Variants in ABHD18 observed in about 807,000 individuals in gnomAD.
The protein encoded by ABHD18 is cardiolipin-specific deacylase, mitochondrial.
A neutral mutation model predicts 65.9 loss-of-function variants in ABHD18; 55 were observed. The ratio of observed to expected loss-of-function variants is 0.84; its 90% CI spans 0.67 to 1.05. ABHD18 has a LOEUF of 1.05. Among genes scored for constraint, ABHD18 ranks in the 50% least tolerant of loss-of-function variants. The pLI is 0.00. For missense variants in ABHD18, 533 were observed against 558.5 expected (o/e 0.95, Z 0.46); for synonymous variants, 181 against 180.2 (o/e 1.00, Z -0.04).
At chr4:127,977,773 AT>A (rs138223792) in intron 1 of ABHD18, among the ~76,000 whole-genome samples, 9,556 of 150,960 alleles carry the variant, frequency 0.063, 531 homozygotes, top group East Asian at 0.27. Context: ...TTTAGAATAA[AT>A]TTTTTTTTTA....
In ABHD18 at chr4:128,011,683, G is replaced by A. The variant is rs1163930460; in HGVS notation, c.453G>A (p.Arg151=). 1 of 1,550,246 alleles carries A rather than the reference G, an allele frequency of 6.5e-7. No individual in the cohort carries two copies. The highest frequency in any genetic ancestry group is 1.2e-5 in the South Asian group (1 of 82,882). ...LLLENPYYGC[R]KPKDQVRSSL... is the part of the protein sequence containing the mutation. ...GACCCACATTCTTAAATGGCTGCAG[G>A]AAACCCAAGGACCAAGTGTAAGTAT... is the stretch of plus-strand genomic sequence containing the variant. Residue 151 remains arginine (R), a synonymous_variant, in exon 7 of 13, where the codon AGG becomes AGA. Coordinates refer to ENST00000645843, the MANE Select transcript of ABHD18 (RefSeq NM_001358451.3).
intron 1 of ABHD18, among the ~76,000 whole-genome samples, chr4:127,969,192 T>G (rs1746251370): frequency 6.6e-6 from 1 of 151,290 alleles, no homozygotes; most frequent in Admixed American, 6.6e-5. Flanking sequence ...AGGTTTTCTT[T>G]TTTTCTTTTT....
In ABHD18 at chr4:128,028,590, T is replaced by C; in HGVS notation, c.917T>C (p.Val306Ala). ...RTLNLDISNQ[V>A]VSQKPADCHN... ...TTAAATTTAGATATATCAAACCAAG[T>C]TGTATCCCAAAAACCTGCTGACTGC... The change falls in exon 11 of 13, where the codon GTT (valine) becomes GCT (alanine). Residue 306 changes from valine (V) to alanine (A), a missense_variant. Physicochemically the swap from Val to Ala is moderately conservative, Grantham distance 64 (BLOSUM62 0). Around this residue, in one of 3 missense-constraint regions of ABHD18, gnomAD observed 220 missense variants for 226.8 expected, o/e 0.97. Transcript: ENST00000645843. The C allele has an allele frequency of 1.2e-6, 2 of 1,613,890 alleles. No individual in the cohort carries two copies. The highest frequency in any genetic ancestry group is 1.7e-6 in the Non-Finnish European group (2 of 1,179,852).
intron 4 of ABHD18, among the ~76,000 whole-genome samples, chr4:127,996,633 C>G (rs927784862): frequency 6.6e-6 from 1 of 152,136 alleles, no homozygotes; most frequent in Admixed American, 6.6e-5. Context: ...CTAGAATTTA[C>G]CAGGCTGGAA....
In ABHD18 at chr4:128,035,847, T is replaced by C. The variant is rs1758838474; in HGVS notation, c.*34T>C. ...TTATATGTAACCAGTGTGGCCATGA[T>C]GTTTCTTACAAAAGGGAGCTTCATC... On this transcript the variant is annotated 3_prime_UTR_variant, in exon 13 of 13. Coordinates refer to ENST00000645843, the MANE Select transcript of ABHD18 (RefSeq NM_001358451.3). The C allele has an allele frequency of 1.4e-6, 2 of 1,393,910 alleles. No individual in the cohort carries two copies. Among genetic ancestry groups the C allele is most frequent in the Non-Finnish European group, 2.0e-6 (2 of 1,023,958 alleles). The allele number at this position is 1,393,910 out of a possible 1,614,324, so 86.3% of individuals were successfully genotyped here.
chr4:128,017,478 A>T lies in ABHD18; in HGVS notation c.586A>T (p.Thr196Ser). Residue 196 changes from threonine to serine, a missense_variant, in exon 8 of 13, where the codon ACT becomes TCT. Physicochemically the swap from Thr to Ser is moderately conservative, Grantham distance 58 (BLOSUM62 1). This residue lies in a region of ABHD18 where 309 missense variants were observed against 313.5 expected (regional missense o/e 0.99). Coordinates refer to ENST00000645843, the MANE Select transcript of ABHD18 (RefSeq NM_001358451.3). The stretch of plus-strand genomic sequence containing the variant: ...GGAAGGTTACGGCCCTTTAGGAATG[A>T]CTGGAATATCCATGGGAGGACACGT... ...EREGYGPLGM[T>S]GISMGGHMAS... is the part of the protein sequence containing the mutation. 1 of 1,613,190 alleles carries T rather than the reference A, an allele frequency of 6.2e-7. No homozygotes were observed. Among genetic ancestry groups the T allele is most frequent in the Non-Finnish European group, 8.5e-7 (1 of 1,179,616 alleles).
At chr4:127,986,210 C>T (rs1749926525) in intron 3 of ABHD18, among the ~76,000 whole-genome samples, 1 of 152,192 alleles carries the variant, frequency 6.6e-6, no homozygotes, top group African/African-American at 2.4e-5. Context: ...AATCACTAGT[C>T]TACTCTCTGT....
At chr4:128,004,285 G>A (rs1173162239) in intron 4 of ABHD18, among the ~76,000 whole-genome samples, 1 of 149,384 alleles carries the variant, frequency 6.7e-6, no homozygotes, top group African/African-American at 2.5e-5. Flanking sequence ...AACCCTGTCT[G>A]TACTAAAAAT....
chr4:128,011,437 C>T (rs13135183), intron 6 of ABHD18, among the ~76,000 whole-genome samples: 97,921 of 150,744 alleles, frequency 0.65, 31,985 homozygotes, highest in Middle Eastern at 0.82. Flanking sequence ...CGTGAGCCAC[C>T]GCGCCCGGCC....
chr4:127,974,448 T>C lies in ABHD18; in HGVS notation c.-17-8491T>C, dbSNP rs537728381. On this transcript the variant is annotated intron_variant, in intron 1 of 12. Transcript: ENST00000645843. ...TGCAGTAGCCATGATCTTGGCTCAC[T>C]GTAGCCTCTGCCTACTCAGTTCAAG... Among the ~76,000 whole-genome samples the C allele has an allele frequency of 1.9e-3, 289 of 152,140 alleles. 1 individual carries two copies. The highest frequency in any genetic ancestry group is 6.6e-3 in the African/African-American group (275 of 41,538).
chr4:128,038,959 G>A lies in ABHD18; in HGVS notation c.*3146G>A, dbSNP rs1579513195. 1 of 151,670 alleles carries A rather than the reference G, an allele frequency of 6.6e-6. No individual in the cohort carries two copies. Among genetic ancestry groups the A allele is most frequent in the Non-Finnish European group, 1.5e-5 (1 of 67,924 alleles). 9.4% of individuals were successfully genotyped at this position (151,670 alleles called of 1,614,324 possible). A position where few individuals can be genotyped will look rare whatever the true frequency, so the allele number is the denominator to read the frequency against. ...AACTACCTCAGTTGAAGAATTCAAAGTGCAAAATAACTTTTCTTAGGATTT... is the reference window on the plus strand; with the variant it reads ...AACTACCTCAGTTGAAGAATTCAAAATGCAAAATAACTTTTCTTAGGATTT... On this transcript the variant is annotated 3_prime_UTR_variant, in exon 13 of 13. Transcript: ENST00000645843.
chr4:128,007,986 A>G (rs1037224799), intron 4 of ABHD18, among the ~76,000 whole-genome samples: 1 of 152,002 alleles, frequency 6.6e-6, no homozygotes, highest in African/African-American at 2.4e-5. Flanking sequence ...TCTTTTGGCT[A>G]GGCATGGTGG....
chr4:128,034,904 G>A (rs1355926228), intron 12 of ABHD18, among the ~76,000 whole-genome samples: 1 of 151,916 alleles, frequency 6.6e-6, no homozygotes, highest in East Asian at 1.9e-4. Flanking sequence ...CGCCTGCCTC[G>A]GCCTCCCAAA....
At chr4:127,974,997 C>CAA (rs34068699) in intron 1 of ABHD18, among the ~76,000 whole-genome samples, 15,262 of 87,740 alleles carry the variant, frequency 0.17, 1,823 homozygotes, top group African/African-American at 0.26. Flanking sequence ...AACTGTGTCT[C>CAA]AAAAAAAAAA....
intron 7 of ABHD18, among the ~76,000 whole-genome samples, chr4:128,016,778 A>G (rs902151664): frequency 1.1e-4 from 16 of 152,366 alleles, no homozygotes; most frequent in Admixed American, 9.8e-4. Context: ...CTCCGTCTCA[A>G]AGAAAAATAA....
intron 7 of ABHD18, among the ~76,000 whole-genome samples, chr4:128,014,838 G>A (rs988388248): frequency 2.0e-5 from 3 of 152,070 alleles, no homozygotes; most frequent in African/African-American, 7.2e-5. Context: ...CAGCACTTGG[G>A]AGGCCGAGGC....
intron 1 of ABHD18, among the ~76,000 whole-genome samples, chr4:127,972,940 A>G (rs1747125708): frequency 6.6e-6 from 1 of 152,060 alleles, no homozygotes; most frequent in Non-Finnish European, 1.5e-5. Context: ...GTTTCTGACA[A>G]AGGTGTTAAG....
In ABHD18 at chr4:128,020,226, G is replaced by C. The variant is rs953838678; in HGVS notation, c.699+57G>C. On this transcript the variant is annotated intron_variant, in intron 9 of 12. Transcript: ENST00000645843. ...ATATATAATTAGAGGTAATTGTTTT[G>C]GGGGGGTCCCCAAAACCACCCTCAG... The C allele has an allele frequency of 2.0e-5, 28 of 1,420,540 alleles. No homozygotes were observed. In the African/African-American group the frequency reaches 2.6e-4, roughly 13 times the overall value. The allele number at this position is 1,420,540 out of a possible 1,614,324, so 88.0% of individuals were successfully genotyped here. A position where few individuals can be genotyped will look rare whatever the true frequency, so the allele number is the denominator to read the frequency against.
chr4:128,030,255 C>T (rs903402755), intron 11 of ABHD18, among the ~76,000 whole-genome samples: 5 of 152,104 alleles, frequency 3.3e-5, no homozygotes, highest in Non-Finnish European at 2.9e-5. Flanking sequence ...CTCATGTAAC[C>T]CATAAATATA....
Sources: allele counts gnomAD v4.1 joint callset (sites outside exome capture counted in the v4.1 genomes callset), GRCh38; gene constraint gnomAD v4.1.1; regional missense constraint gnomAD v4.1.1; transcripts MANE v1.5; gene names NCBI Gene and HGNC (gene_info 2026-07-23, HGNC 2026-07-21).